The following SDCCAG8 variants were observed in gnomAD, a reference collection of about 807,000 sequenced individuals.
SDCCAG8 encodes the protein SHH signaling and ciliogenesis regulator SDCCAG8, also known as serologically defined colon cancer antigen 8.
Under a neutral mutation model 101.8 loss-of-function variants are expected in SDCCAG8, and 74 were observed. That is an observed-to-expected ratio of 0.73 (90% CI 0.60 to 0.88). The LOEUF is 0.88. SDCCAG8 is among the 40% of genes least tolerant of loss of function. The pLI, the probability that SDCCAG8 is intolerant of heterozygous loss-of-function variation, is 0.00. For synonymous variants in SDCCAG8, 281 were observed against 292.9 expected (o/e 0.96, Z 0.41); for missense variants, 787 against 822.6 (o/e 0.96, Z 0.53).
chr1:243,475,967 C>T, intron 16 of SDCCAG8: 1 of 985,456 alleles, frequency 1.0e-6, no homozygotes. Flanking sequence ...TCGTCTGCTG[C>T]TGGAACCCAC....
intron 12 of SDCCAG8, among the ~76,000 whole-genome samples, chr1:243,365,859 A>G (rs766844878): frequency 2.0e-5 from 3 of 152,116 alleles, no homozygotes; most frequent in Non-Finnish European, 4.4e-5. Flanking sequence ...TAATTTTAGT[A>G]TCTGGGAAAA....
intron 16 of SDCCAG8, among the ~76,000 whole-genome samples, chr1:243,447,518 A>G (rs1210019395): frequency 6.6e-6 from 1 of 151,986 alleles, no homozygotes; most frequent in Non-Finnish European, 1.5e-5. Flanking sequence ...CTGCGCACGC[A>G]CACACACACT....
intron 15 of SDCCAG8, among the ~76,000 whole-genome samples, chr1:243,423,876 GAGAAA>G (rs908139898): frequency 6.6e-6 from 1 of 152,036 alleles, no homozygotes; most frequent in African/African-American, 2.4e-5. Flanking sequence ...TTACCTCACA[GAGAAA>G]AGAAAAGAAA....
chr1:243,436,147 T>C (rs1054261545), intron 16 of SDCCAG8, among the ~76,000 whole-genome samples: 1 of 151,574 alleles, frequency 6.6e-6, no homozygotes, highest in African/African-American at 2.4e-5. Flanking sequence ...CTCTGTATGA[T>C]ATCATATCAT....
chr1:243,491,514 A>G (rs187073718), intron 17 of SDCCAG8, among the ~76,000 whole-genome samples: 1 of 152,354 alleles, frequency 6.6e-6, no homozygotes, highest in East Asian at 1.9e-4. Flanking sequence ...GTGGTCAGAG[A>G]GGAGGCAGGG....
chr1:243,389,157 C>CA (rs1278651073), intron 13 of SDCCAG8, among the ~76,000 whole-genome samples: 1 of 149,984 alleles, frequency 6.7e-6, no homozygotes, highest in Non-Finnish European at 1.5e-5. Flanking sequence ...CCCTCCCCCC[C>CA]CCAAAAAAAA....
At chr1:243,262,262 C>G (rs560218467) in intron 1 of SDCCAG8, among the ~76,000 whole-genome samples, 1 of 147,952 alleles carries the variant, frequency 6.8e-6, no homozygotes, top group African/African-American at 2.4e-5. Flanking sequence ...GCCACCACCA[C>G]GCCCGGCTAA....
At chr1:243,417,838 A>G in intron 14 of SDCCAG8, 130 bp from the exon 15 acceptor site, 1 of 713,904 alleles carries the variant, frequency 1.4e-6, no homozygotes, top group Non-Finnish European at 2.6e-6. Flanking sequence ...GACTTAGGAC[A>G]TTGAAGGTGA....
chr1:243,475,178 A>G lies in SDCCAG8; in HGVS notation c.1986-13836A>G, dbSNP rs1483275291. On this transcript the variant is annotated intron_variant, in intron 16 of 17. Transcript: ENST00000366541. ...GTCCTACAGCCCCTCTCCTGTTGTC[A>G]TTTGCTATCAGGGCAGTTCTACCGC... Among the ~76,000 whole-genome samples the G allele has an allele frequency of 2.6e-5, 4 of 152,220 alleles. No individual in the cohort carries two copies. In the East Asian group the frequency reaches 7.7e-4, roughly 29 times the overall value.
At chr1:243,349,134 T>C (rs1025652741) in intron 12 of SDCCAG8, among the ~76,000 whole-genome samples, 2 of 152,204 alleles carry the variant, frequency 1.3e-5, no homozygotes, top group Admixed American at 1.3e-4. Context: ...ACTGATCACG[T>C]GCCCAAGAAA....
chr1:243,313,313 A>G (rs752445075), intron 8 of SDCCAG8, among the ~76,000 whole-genome samples: 1 of 152,244 alleles, frequency 6.6e-6, no homozygotes, highest in Non-Finnish European at 1.5e-5. Context: ...TTTAGAAATT[A>G]TAAGACATTT....
intron 10 of SDCCAG8, among the ~76,000 whole-genome samples, chr1:243,339,231 T>C (rs982781107): frequency 2.0e-5 from 3 of 152,150 alleles, no homozygotes; most frequent in Non-Finnish European, 2.9e-5. Context: ...CTAGAATTTA[T>C]AATTAGCAAA....
At chr1:243,277,510 T>C (rs1285511608) in intron 4 of SDCCAG8, among the ~76,000 whole-genome samples, 1 of 152,236 alleles carries the variant, frequency 6.6e-6, no homozygotes, top group Non-Finnish European at 1.5e-5. Flanking sequence ...TTCTTAGTGT[T>C]GAGTTTCAAC....
At chr1:243,456,008 A>G (rs2083718184) in intron 16 of SDCCAG8, among the ~76,000 whole-genome samples, 1 of 152,224 alleles carries the variant, frequency 6.6e-6, no homozygotes, top group Non-Finnish European at 1.5e-5. Flanking sequence ...TGCAGGAGCA[A>G]GGACTGTTGG....
chr1:243,424,383 A>G (rs1474628488), intron 15 of SDCCAG8, among the ~76,000 whole-genome samples: 1 of 152,210 alleles, frequency 6.6e-6, no homozygotes, highest in East Asian at 1.9e-4. Context: ...TAAAACAAAT[A>G]AAATACATAT....
intron 17 of SDCCAG8, among the ~76,000 whole-genome samples, chr1:243,492,602 C>A (rs1465541605): frequency 9.0e-6 from 1 of 111,330 alleles, no homozygotes; most frequent in Admixed American, 1.1e-4. Context: ...CTGCGCCCAG[C>A]TGTTTTTTTT....
chr1:243,440,827 G>A (rs1006950291), intron 16 of SDCCAG8, among the ~76,000 whole-genome samples: 3 of 152,188 alleles, frequency 2.0e-5, no homozygotes, highest in African/African-American at 7.2e-5. Flanking sequence ...TAAGGGGGAA[G>A]AGCAGTTTCG....
intron 9 of SDCCAG8, among the ~76,000 whole-genome samples, chr1:243,317,729 T>C (rs1164792931): frequency 3.9e-5 from 6 of 152,172 alleles, no homozygotes; most frequent in Non-Finnish European, 8.8e-5. Flanking sequence ...CTTTGAAGAA[T>C]AGGAGGTTAC....
intron 16 of SDCCAG8, chr1:243,475,800 G>C (rs1479285647): frequency 1.3e-5 from 3 of 239,528 alleles, no homozygotes; most frequent in Non-Finnish European, 2.0e-5. Flanking sequence ...TTCTGTGAAC[G>C]TGTGCTACTT....
Sources: allele counts gnomAD v4.1 joint callset (sites outside exome capture counted in the v4.1 genomes callset), GRCh38; gene constraint gnomAD v4.1.1; transcripts MANE v1.5; gene names NCBI Gene and HGNC (gene_info 2026-07-23, HGNC 2026-07-21).